The following RIMS2 variants were observed in gnomAD, a reference collection of about 807,000 sequenced individuals.
RIMS2 encodes the protein regulating synaptic membrane exocytosis protein 2.
In RIMS2, 59 loss-of-function variants were observed where a neutral mutation model predicts 174.4. The observed-to-expected ratio is 0.34, with a 90% CI of 0.27 to 0.42. The LOEUF (loss-of-function observed/expected upper bound fraction) is 0.42. Among genes scored for constraint, RIMS2 ranks in the 10% least tolerant of loss-of-function variants. The pLI, the probability that RIMS2 is intolerant of heterozygous loss-of-function variation, is 1.00. For missense variants in RIMS2, 1,620 were observed against 1,666.3 expected (o/e 0.97, Z 0.48); for synonymous variants, 606 against 572.5 (o/e 1.06, Z -0.84).
chr8:103,601,382 A>G (rs2094729383), intron 1 of RIMS2, among the ~76,000 whole-genome samples: 1 of 152,182 alleles, frequency 6.6e-6, no homozygotes, highest in Non-Finnish European at 1.5e-5. Flanking sequence ...TACAATAATT[A>G]TATCCTGTTG....
intron 1 of RIMS2, among the ~76,000 whole-genome samples, chr8:103,587,613 A>T (rs2094023889): frequency 6.6e-6 from 1 of 152,060 alleles, no homozygotes; most frequent in Non-Finnish European, 1.5e-5. Context: ...GGCTCAACGT[A>T]CACAAATCAG....
intron 19 of RIMS2, among the ~76,000 whole-genome samples, chr8:104,216,594 C>A (rs1046426681): frequency 6.6e-6 from 1 of 152,182 alleles, no homozygotes; most frequent in African/African-American, 2.4e-5. Flanking sequence ...AAGAGACATC[C>A]TCAATATGCC....
chr8:104,235,861 ATTTCTTCAGTTCAG>A (rs1319122887), intron 19 of RIMS2, among the ~76,000 whole-genome samples: 9 of 152,192 alleles, frequency 5.9e-5, no homozygotes, highest in African/African-American at 2.2e-4. Flanking sequence ...TCCGTATCCA[ATTTCTTCAGTTCAG>A]TTGTCCCCCA....
chr8:103,512,748 C>A (rs550445156), intron 1 of RIMS2, among the ~76,000 whole-genome samples: 119 of 152,136 alleles, frequency 7.8e-4, no homozygotes, highest in African/African-American at 2.6e-3. Flanking sequence ...AGTGGGCAAT[C>A]CTTAGGATAA....
At chr8:103,751,666 G>T (rs7001814) in intron 2 of RIMS2, among the ~76,000 whole-genome samples, 7,284 of 151,370 alleles carry the variant, frequency 0.048, 620 homozygotes, top group African/African-American at 0.17. Flanking sequence ...ATATCTCATT[G>T]TGGTTTTGAT....
intron 19 of RIMS2, among the ~76,000 whole-genome samples, chr8:104,066,601 A>G (rs1467357995): frequency 6.6e-6 from 1 of 152,096 alleles, no homozygotes; most frequent in Non-Finnish European, 1.5e-5. Context: ...AAGAATTCCA[A>G]AGTTGTATTT....
intron 3 of RIMS2, among the ~76,000 whole-genome samples, chr8:103,832,169 G>A (rs951245148): frequency 1.1e-4 from 16 of 152,092 alleles, no homozygotes; most frequent in African/African-American, 2.7e-4. Context: ...AATATAAAAT[G>A]TATCTTTTAT....
intron 1 of RIMS2, among the ~76,000 whole-genome samples, chr8:103,580,707 C>T (rs2093560308): frequency 6.6e-6 from 1 of 151,846 alleles, no homozygotes; most frequent in African/African-American, 2.4e-5. Flanking sequence ...AAACGTTTAC[C>T]ATCAAAAGAA....
chr8:104,232,823 C>T (rs1587970459), intron 19 of RIMS2, among the ~76,000 whole-genome samples: 1 of 152,220 alleles, frequency 6.6e-6, no homozygotes, highest in African/African-American at 2.4e-5. Context: ...GCAAAGCAGG[C>T]TAGAAAAGTA....
intron 14 of RIMS2, among the ~76,000 whole-genome samples, chr8:103,945,122 G>A (rs957881003): frequency 1.3e-5 from 2 of 151,966 alleles, no homozygotes; most frequent in African/African-American, 4.8e-5. Flanking sequence ...GATCATATTT[G>A]ATAGAACATA....
intron 1 of RIMS2, among the ~76,000 whole-genome samples, chr8:103,609,549 G>A (rs1276127917): frequency 3.3e-5 from 5 of 152,126 alleles, no homozygotes; most frequent in Non-Finnish European, 1.5e-5. Context: ...TAAAGAAGGG[G>A]TCCAGCTTCA....
At chr8:103,966,001 T>C (rs1012477205) in intron 15 of RIMS2, among the ~76,000 whole-genome samples, 3 of 152,158 alleles carry the variant, frequency 2.0e-5, no homozygotes, top group African/African-American at 7.2e-5. Flanking sequence ...ATCCCACTTA[T>C]TGTGTATAAT....
chr8:103,910,593 T>G (rs1351286936), intron 5 of RIMS2, 64 bp downstream of exon 8: 46 of 903,680 alleles, frequency 5.1e-5, no homozygotes, highest in Non-Finnish European at 5.9e-5. Context: ...TCTCTGTCAC[T>G]CATTAAAACA....
intron 2 of RIMS2, among the ~76,000 whole-genome samples, chr8:103,729,705 C>T (rs1480906705): frequency 6.6e-6 from 1 of 152,022 alleles, no homozygotes; most frequent in Admixed American, 6.6e-5. Flanking sequence ...CTTCTTAGTA[C>T]TGCTTTTGCT....
chr8:103,895,177 T>G (rs1253811311), intron 4 of RIMS2, among the ~76,000 whole-genome samples: 1 of 147,998 alleles, frequency 6.8e-6, no homozygotes, highest in African/African-American at 2.6e-5. Context: ...GACAAGGTTT[T>G]TTTTTTTTTT....
intron 3 of RIMS2, among the ~76,000 whole-genome samples, chr8:103,776,002 C>A (rs1421389900): frequency 2.6e-4 from 39 of 152,172 alleles, no homozygotes; most frequent in Non-Finnish European, 2.9e-5. Context: ...CCAGTTTACA[C>A]ATGCTGTCCC....
chr8:103,521,168 G>C (rs1404833428), intron 1 of RIMS2, among the ~76,000 whole-genome samples: 25 of 150,744 alleles, frequency 1.7e-4, no homozygotes, highest in East Asian at 1.4e-3. Flanking sequence ...ATAGCATTAG[G>C]AGATATACCT....
chr8:103,901,414 T>C (rs2099327350), intron 4 of RIMS2, among the ~76,000 whole-genome samples: 1 of 152,158 alleles, frequency 6.6e-6, no homozygotes, highest in Non-Finnish European at 1.5e-5. Flanking sequence ...CTTGCTGACA[T>C]TGAGAATTTT....
At chr8:104,016,278 A>G (rs1360546991) in intron 19 of RIMS2, among the ~76,000 whole-genome samples, 1 of 152,108 alleles carries the variant, frequency 6.6e-6, no homozygotes, top group Non-Finnish European at 1.5e-5. Flanking sequence ...ATAGTATACA[A>G]AGTACCACTA....
Sources: allele counts gnomAD v4.1 joint callset (sites outside exome capture counted in the v4.1 genomes callset), GRCh38; gene constraint gnomAD v4.1.1; transcripts MANE v1.5; gene names NCBI Gene and HGNC (gene_info 2026-07-23, HGNC 2026-07-21).